Variants in ADAT1 observed in about 807,000 individuals in gnomAD.
ADAT1 encodes tRNA-specific adenosine deaminase 1.
ADAT1 carries 58 observed loss-of-function variants against 58.6 expected under a neutral mutation model. The observed-to-expected ratio is 0.99, with a 90% CI of 0.80 to 1.23. The LOEUF (loss-of-function observed/expected upper bound fraction) is 1.23, where lower values mean the gene tolerates loss of function less well. ADAT1 is among the 50% of genes most tolerant of loss of function. ADAT1 has a pLI of 0.00. For synonymous variants in ADAT1, 254 were observed against 220.8 expected (o/e 1.15, Z -1.33); for missense variants, 741 against 608.6 (o/e 1.22, Z -2.29).
chr16:75,602,143 G>C (rs1461269544), intron 9 of ADAT1: 1 of 152,178 alleles, frequency 6.6e-6, no homozygotes, highest in Non-Finnish European at 1.5e-5. Flanking sequence ...CGTGATATCA[G>C]TTTGAACTCT....
intron 5 of ADAT1, among the ~76,000 whole-genome samples, chr16:75,616,722 C>T (rs890849109): frequency 6.6e-6 from 1 of 152,172 alleles, no homozygotes; most frequent in African/African-American, 2.4e-5. Context: ...TAGTCTTATT[C>T]ATTTCTGTAT....
chr16:75,612,509 A>G lies in ADAT1; in HGVS notation c.777T>C (p.Thr259=), dbSNP rs1163133159. The G allele has an allele frequency of 3.7e-6, 6 of 1,614,188 alleles. No individual in the cohort carries two copies. Among genetic ancestry groups the G allele is most frequent in the Non-Finnish European group, 5.1e-6 (6 of 1,180,038 alleles). Residue 259 remains threonine, a synonymous_variant, in exon 6 of 10, where the codon ACT becomes ACC. Coordinates refer to ENST00000564657, the MANE Select transcript of ADAT1 (RefSeq NM_001324445.2). ...GSAKVIDVYR[T]GAKCVPGEAG... ...CTTCTCCAGGTACACACTTGGCTCC[A>G]GTTCTATAAACGTCTATCACTTTGG...
chr16:75,611,343 A>C (rs1413929070), intron 6 of ADAT1, among the ~76,000 whole-genome samples: 3 of 152,192 alleles, frequency 2.0e-5, no homozygotes, highest in African/African-American at 4.8e-5. Context: ...TTTATCTTCT[A>C]AACTGTTCTT....
chr16:75,612,963 G>A, intron 5 of ADAT1, 102 bp from the exon 6 acceptor site: 1 of 1,418,490 alleles, frequency 7.0e-7, no homozygotes, highest in South Asian at 1.5e-5. Context: ...CAAACTCTTG[G>A]GACCCACAGT....
intron 6 of ADAT1, 107 bp downstream of exon 6, chr16:75,612,136 T>C (rs1342015955): frequency 8.2e-7 from 1 of 1,226,368 alleles, no homozygotes; most frequent in Admixed American, 2.5e-5. Flanking sequence ...TTCCTGGAAG[T>C]GGAACTGCTG....
In ADAT1 at chr16:75,612,610, T is replaced by A; in HGVS notation, c.676A>T (p.Ile226Phe). 6.2e-7 allele frequency: 1 copy of A among 1,613,934 alleles called. No homozygotes were observed. The highest frequency in any genetic ancestry group is 8.5e-7 in the Non-Finnish European group (1 of 1,180,002). The change falls in exon 6 of 10, where the codon ATC (isoleucine) becomes TTC (phenylalanine). Residue 226 changes from isoleucine to phenylalanine, a missense_variant. Coordinates refer to ENST00000564657, the MANE Select transcript of ADAT1 (RefSeq NM_001324445.2). The part of the protein sequence containing the change: ...QSFGKQKSGP[I>F]SPGIHSCDLT... Reference sequence around the variant, plus strand: ...TCACAGCTGTGGATGCCTGGTGAGATTGGGCCACTTTTCTGCTTGCCAAAA... The same window carrying A: ...TCACAGCTGTGGATGCCTGGTGAGAATGGGCCACTTTTCTGCTTGCCAAAA...
rs1048401322 is a variant in ADAT1, at chr16:75,600,196, C to T, written c.*20G>A. The T allele has an allele frequency of 1.2e-6, 2 of 1,613,626 alleles. No homozygotes were observed. Among genetic ancestry groups the T allele is most frequent in the Non-Finnish European group, 1.7e-6 (2 of 1,179,692 alleles). ...CAGTTCAGGATGAAGGGTCCTGCTACCAGAGCAAACATTTCCTTCTCACTT... is the reference window on the plus strand; with the variant it reads ...CAGTTCAGGATGAAGGGTCCTGCTATCAGAGCAAACATTTCCTTCTCACTT... On this transcript the variant is annotated 3_prime_UTR_variant, in exon 10 of 10. Coordinates refer to ENST00000564657, the MANE Select transcript of ADAT1 (RefSeq NM_001324445.2).
intron 8 of ADAT1, among the ~76,000 whole-genome samples, chr16:75,605,343 C>T (rs1309433887): frequency 6.6e-6 from 1 of 152,090 alleles, no homozygotes; most frequent in African/African-American, 2.4e-5. Flanking sequence ...CCTGCCTCGG[C>T]CTCCCAAAGT....
intron 8 of ADAT1, among the ~76,000 whole-genome samples, chr16:75,604,432 CAA>C (rs869079388): frequency 7.6e-3 from 60 of 7,900 alleles, no homozygotes; most frequent in Non-Finnish European, 8.7e-3. Flanking sequence ...GATTCTGTCT[CAA>C]AAAAAAAAAA....
At position 75,620,638 on chromosome 16, in the gene ADAT1, C is replaced by T. The variant is rs117176260; in HGVS notation, c.162G>A (p.Pro54=). ...ADKACDTPDK[P]VQVTKEVVSM... Reference sequence around the variant, plus strand: ...AAGAAGAAAAAGTCTCACCTTGCACCGGCTTATCAGGGGTGTCGCAGGCCT... The same window carrying T: ...AAGAAGAAAAAGTCTCACCTTGCACTGGCTTATCAGGGGTGTCGCAGGCCT... Residue 54 remains proline (P), a synonymous_variant, in exon 2 of 10, where the codon CCG becomes CCA. Coordinates refer to ENST00000564657, the MANE Select transcript of ADAT1 (RefSeq NM_001324445.2). The T allele has an allele frequency of 4.9e-3, 7,980 of 1,612,872 alleles. 18 individuals are homozygous for T. Among genetic ancestry groups the T allele is most frequent in the Non-Finnish European group, 6.1e-3 (7,184 of 1,179,926 alleles).
intron 7 of ADAT1, chr16:75,608,588 G>A: frequency 5.1e-6 from 3 of 584,036 alleles, no homozygotes; most frequent in South Asian, 4.5e-5. Flanking sequence ...ATTTCTCACT[G>A]AATCTTCCCA....
rs1332090640 is a variant in ADAT1, at chr16:75,599,454, T to A, written c.*762A>T. ...CCAACACAAACAGGCTTAATCAAAA[T>A]AACAACAGGAATCTGTCTCACATAA... On this transcript the variant is annotated 3_prime_UTR_variant, in exon 10 of 10. Transcript: ENST00000564657. 1 of 985,724 alleles carries A rather than the reference T, an allele frequency of 1.0e-6. No homozygotes were observed. Among genetic ancestry groups the A allele is most frequent in the Non-Finnish European group, 1.2e-6 (1 of 829,940 alleles). 61.1% of individuals were successfully genotyped at this position (985,724 alleles called of 1,614,324 possible).
intron 8 of ADAT1, among the ~76,000 whole-genome samples, chr16:75,604,520 T>C (rs61133436): frequency 0.054 from 5,246 of 97,218 alleles, 149 homozygotes; most frequent in African/African-American, 0.064. Flanking sequence ...CACACACACA[T>C]ATATACATAT....
chr16:75,597,845 G>A lies in ADAT1; in HGVS notation c.*2371C>T, dbSNP rs1223023633. Among the ~76,000 whole-genome samples the A allele has an allele frequency of 1.3e-5, 2 of 152,194 alleles. No homozygotes were observed. Among genetic ancestry groups the A allele is most frequent in the Non-Finnish European group, 2.9e-5 (2 of 68,028 alleles). Reference sequence around the variant, plus strand: ...CACTGCTGGTATGACAGGAGGAGGAGCTACGGCAGAAATGTGAGCGATGGG... The same window carrying A: ...CACTGCTGGTATGACAGGAGGAGGAACTACGGCAGAAATGTGAGCGATGGG... On this transcript the variant is annotated 3_prime_UTR_variant, in exon 10 of 10. Coordinates refer to ENST00000564657, the MANE Select transcript of ADAT1 (RefSeq NM_001324445.2).
intron 4 of ADAT1, among the ~76,000 whole-genome samples, chr16:75,617,912 C>A (rs1451662246): frequency 1.5e-5 from 2 of 129,710 alleles, no homozygotes; most frequent in South Asian, 2.3e-4. Flanking sequence ...CATAGTGACA[C>A]CCTGTCTTTA....
intron 5 of ADAT1, among the ~76,000 whole-genome samples, chr16:75,613,177 C>G (rs548697244): frequency 6.6e-6 from 1 of 152,250 alleles, no homozygotes; most frequent in African/African-American, 2.4e-5. Flanking sequence ...CTATCCTGGA[C>G]CCAGTGAGTT....
At chr16:75,616,024 T>C (rs2151774696) in intron 5 of ADAT1, among the ~76,000 whole-genome samples, 1 of 151,868 alleles carries the variant, frequency 6.6e-6, no homozygotes, top group African/African-American at 2.4e-5. Flanking sequence ...TTTTCCCTTC[T>C]TTTTGACTGA....
At chr16:75,601,316 T>C (rs1472601529) in intron 9 of ADAT1, among the ~76,000 whole-genome samples, 1 of 151,260 alleles carries the variant, frequency 6.6e-6, no homozygotes, top group Non-Finnish European at 1.5e-5. Context: ...CTACACAGAC[T>C]GGGCGACAGA....
At chr16:75,608,405 G>A in intron 7 of ADAT1, 82 bp from the exon 8 acceptor site, 1 of 1,196,816 alleles carries the variant, frequency 8.4e-7, no homozygotes, top group Non-Finnish European at 1.2e-6. Flanking sequence ...ATATTTCTCT[G>A]ACTCTACAGA....
Sources: allele counts gnomAD v4.1 joint callset (sites outside exome capture counted in the v4.1 genomes callset), GRCh38; gene constraint gnomAD v4.1.1; transcripts MANE v1.5; gene names NCBI Gene and HGNC (gene_info 2026-07-23, HGNC 2026-07-21).